Variants in NADK2 observed in about 807,000 individuals in gnomAD.
NADK2 encodes the protein NAD kinase 2, mitochondrial.
In NADK2, 35 loss-of-function variants were observed where a neutral mutation model predicts 62.1. The observed-to-expected ratio is 0.56, with a 90% CI of 0.43 to 0.75. The LOEUF is 0.75. Among genes scored for constraint, NADK2 ranks in the 30% least tolerant of loss-of-function variants. The probability of loss-of-function intolerance (pLI) is 0.00; values close to 1 mark genes in which losing one functional copy is unlikely to be tolerated. For synonymous variants in NADK2, 205 were observed against 207.9 expected (o/e 0.99, Z 0.12); for missense variants, 439 against 561.3 (o/e 0.78, Z 2.20).
rs1443582983 is a variant in NADK2 at position 36,241,872 on chromosome 5, C to G, written c.-74G>C. ...GCTCCCTACCGCCGGGAGTGCGCGC[C>G]GTCCGCGCCGCCCGGGCCTCTAACT... On this transcript the variant is annotated 5_prime_UTR_variant, in exon 1 of 12. Coordinates refer to ENST00000381937, the MANE Select transcript of NADK2 (RefSeq NM_001085411.3). The surrounding 1 kb of genome is among the most constrained non-coding windows in gnomAD (Gnocchi z 4.9). 3 of 1,116,726 alleles carry G rather than the reference C, an allele frequency of 2.7e-6. No individual in the cohort carries two copies. Among genetic ancestry groups the G allele is most frequent in the Admixed American group, 5.2e-5 (1 of 19,262 alleles). 69.2% of individuals were successfully genotyped at this position (1,116,726 alleles called of 1,614,324 possible). A position where few individuals can be genotyped will look rare whatever the true frequency, so the allele number is the denominator to read the frequency against.
At chr5:36,222,311 C>T (rs1158411321) in intron 4 of NADK2, among the ~76,000 whole-genome samples, 2 of 152,248 alleles carry the variant, frequency 1.3e-5, no homozygotes, top group Non-Finnish European at 2.9e-5. Context: ...TCTCAAATCA[C>T]GCCTTGGGTC....
In NADK2 at chr5:36,193,557, T is replaced by C. The variant is rs1420909277; in HGVS notation, c.*1587A>G. ...TATGGAGCTTCTTTATAAAGTGGTATCTTATGTATATCAAAAAAAAAAAGC... is the reference window on the plus strand; with the variant it reads ...TATGGAGCTTCTTTATAAAGTGGTACCTTATGTATATCAAAAAAAAAAAGC... On this transcript the variant is annotated 3_prime_UTR_variant, in exon 12 of 12. Coordinates refer to ENST00000381937, the MANE Select transcript of NADK2 (RefSeq NM_001085411.3). The C allele has an allele frequency of 7.8e-6, 1 of 128,754 alleles. No homozygotes were observed. Among genetic ancestry groups the C allele is most frequent in the African/African-American group, 3.2e-5 (1 of 31,096 alleles). 8.0% of individuals were successfully genotyped at this position (128,754 alleles called of 1,614,324 possible).
intron 6 of NADK2, 30 bp downstream of exon 6, chr5:36,217,718 C>T: frequency 1.2e-6 from 2 of 1,612,694 alleles, no homozygotes; most frequent in Non-Finnish European, 1.7e-6. Flanking sequence ...AAATATTTCC[C>T]CAAACACATC....
rs1364015 is a variant in NADK2, at chr5:36,223,701, C to T, written c.560+1841G>A. Among the ~76,000 whole-genome samples, 1,850 of 152,030 alleles carry T rather than the reference C, an allele frequency of 0.012. 157 individuals carry two copies. The East Asian group carries it at 0.21, about 17-fold the overall frequency. On this transcript the variant is annotated intron_variant, in intron 4 of 11. Transcript: ENST00000381937. ...TCACTGATCTCTAAGGCAAAAGCAA[C>T]GTCAATGAACTGGTTGGGGGCAAAT... is the stretch of plus-strand genomic sequence containing the variant.
intron 1 of NADK2, among the ~76,000 whole-genome samples, chr5:36,239,080 G>A (rs1748012741): frequency 6.6e-6 from 1 of 152,080 alleles, no homozygotes; most frequent in Non-Finnish European, 1.5e-5. Context: ...AAAAGAGAAT[G>A]CTTTGACAAA....
intron 6 of NADK2, 78 bp downstream of exon 6, chr5:36,217,670 T>C (rs1488214085): frequency 4.4e-6 from 7 of 1,575,872 alleles, no homozygotes; most frequent in Non-Finnish European, 6.1e-6. Flanking sequence ...AAGTAAATTA[T>C]TACATCAAAA....
chr5:36,225,503 A>C (rs1330769412), intron 4 of NADK2, 39 bp downstream of exon 4: 1 of 1,555,394 alleles, frequency 6.4e-7, no homozygotes. Context: ...TAAAAAGCAC[A>C]CCACACAAAT....
At chr5:36,206,118 G>C (rs1434710846) in intron 8 of NADK2, among the ~76,000 whole-genome samples, 1 of 151,962 alleles carries the variant, frequency 6.6e-6, no homozygotes, top group African/African-American at 2.4e-5. Context: ...ACAGGGAGGG[G>C]AACATCACAC....
At chr5:36,233,614 C>G (rs1396132375) in intron 1 of NADK2, among the ~76,000 whole-genome samples, 1 of 152,182 alleles carries the variant, frequency 6.6e-6, no homozygotes, top group East Asian at 1.9e-4. Flanking sequence ...AGGCTAAATT[C>G]TTCCCTGTTA....
intron 1 of NADK2, among the ~76,000 whole-genome samples, chr5:36,237,832 T>C (rs1747964471): frequency 6.6e-6 from 1 of 152,196 alleles, no homozygotes; most frequent in Admixed American, 6.5e-5. Flanking sequence ...GAGTCATTAA[T>C]TTCAGGTGTG....
chr5:36,208,671 CA>C, intron 7 of NADK2: 1 of 1,533,110 alleles, frequency 6.5e-7, no homozygotes, highest in Non-Finnish European at 8.7e-7. Flanking sequence ...TCCACTGCTA[CA>C]GCCCAAGAAT....
chr5:36,193,554 G>A lies in NADK2; in HGVS notation c.*1590C>T, dbSNP rs961836569. On this transcript the variant is annotated 3_prime_UTR_variant, in exon 12 of 12. Transcript: ENST00000381937. ...TAGTATGGAGCTTCTTTATAAAGTG[G>A]TATCTTATGTATATCAAAAAAAAAA... 7.6e-6 allele frequency: 1 copy of A among 132,424 alleles called. No homozygotes were observed. The highest frequency in any genetic ancestry group is 3.1e-5 in the African/African-American group (1 of 32,740). The allele number at this position is 132,424 out of a possible 1,614,324, so 8.2% of individuals were successfully genotyped here.
chr5:36,241,597 G>T lies in NADK2; in HGVS notation c.202C>A (p.Pro68Thr). ...TTGGCCACCACCACCACCCGGGAGGGGCGGAAGCCGCCGTCCGCGCGGCTG... is the reference window on the plus strand; with the variant it reads ...TTGGCCACCACCACCACCCGGGAGGTGCGGAAGCCGCCGTCCGCGCGGCTG... ...CGSRADGGFR[P>T]SRVVVVAKTT... is the part of the protein sequence containing the mutation. Residue 68 changes from proline (P) to threonine (T), a missense_variant, in exon 1 of 12, where the codon CCC becomes ACC. Coordinates refer to ENST00000381937, the MANE Select transcript of NADK2 (RefSeq NM_001085411.3). This position sits in a 1 kb window ranked among gnomAD's most constrained non-coding sequence, Gnocchi z 4.9. 1.3e-6 allele frequency: 2 copies of T among 1,514,492 alleles called. No homozygotes were observed. The highest frequency in any genetic ancestry group is 1.8e-6 in the Non-Finnish European group (2 of 1,141,062). 93.8% of individuals were successfully genotyped at this position (1,514,492 alleles called of 1,614,324 possible).
chr5:36,204,101 AAATGGG>A (rs1286341363), intron 8 of NADK2, among the ~76,000 whole-genome samples: 1 of 152,142 alleles, frequency 6.6e-6, no homozygotes, highest in East Asian at 1.9e-4. Flanking sequence ...CTCCTTTATA[AAATGGG>A]AATGCTACTA....
chr5:36,235,310 A>C (rs965102276), intron 1 of NADK2, among the ~76,000 whole-genome samples: 1 of 152,234 alleles, frequency 6.6e-6, no homozygotes, highest in Non-Finnish European at 1.5e-5. Flanking sequence ...TAACCAAATC[A>C]ATGCTATTTC....
intron 6 of NADK2, 29 bp downstream of exon 6, chr5:36,217,719 C>T: frequency 6.2e-7 from 1 of 1,612,840 alleles, no homozygotes. Context: ...AATATTTCCC[C>T]AAACACATCT....
Position 36,236,074 on chromosome 5 carries a change from G to C in NADK2, c.300+5425C>G, listed in dbSNP as rs10941283. Among the ~76,000 whole-genome samples, 1,850 of 152,014 alleles carry C rather than the reference G, an allele frequency of 0.012. 156 individuals are homozygous for C. In the East Asian group the frequency reaches 0.21, roughly 17 times the overall value. The stretch of plus-strand genomic sequence containing the variant: ...TGTGCATCAAACACAACTATTAGAA[G>C]TTAATTTATATAATTAAAAATATAG... On this transcript the variant is annotated intron_variant, in intron 1 of 11. Transcript: ENST00000381937.
chr5:36,226,285 T>C (rs563761777), intron 3 of NADK2, among the ~76,000 whole-genome samples, 190 bp downstream of exon 3: 11 of 152,314 alleles, frequency 7.2e-5, no homozygotes, highest in Admixed American at 2.0e-4. Context: ...AGGAACCTCA[T>C]AGTAACGTCA....
intron 4 of NADK2, among the ~76,000 whole-genome samples, chr5:36,222,170 A>G (rs943801607): frequency 2.0e-5 from 3 of 152,130 alleles, no homozygotes; most frequent in Admixed American, 2.0e-4. Flanking sequence ...CAGGAGAAAC[A>G]CCAGTCTTGA....
Sources: gnomAD v4.1 joint callset for allele counts (sites outside exome capture counted in the v4.1 genomes callset) on GRCh38, gnomAD v4.1.1 for gene constraint, Gnocchi (gnomAD v3.1) non-coding constraint, MANE v1.5 for transcripts, NCBI Gene and HGNC (gene_info 2026-07-23, HGNC 2026-07-21) for gene names.